The following CDH4 variants were observed in gnomAD, a reference collection of about 807,000 sequenced individuals.
CDH4 encodes cadherin-4.
In CDH4, 33 loss-of-function variants were observed where a neutral mutation model predicts 86.0. The ratio of observed to expected loss-of-function variants is 0.38; its 90% CI spans 0.29 to 0.51. The LOEUF (loss-of-function observed/expected upper bound fraction) is 0.51, where lower values mean the gene tolerates loss of function less well. Ranked by LOEUF, CDH4 falls within the 20% of genes least tolerant of loss-of-function variation. The pLI, the probability that CDH4 is intolerant of heterozygous loss-of-function variation, is 0.86. For synonymous variants in CDH4, 555 were observed against 549.4 expected, an observed-to-expected ratio of 1.01 and a Z score of -0.14; for missense variants, 1,114 against 1,307.4, an observed-to-expected ratio of 0.85 and a Z score of 2.28.
chr20:61,738,544 G>C (rs2088293399), intron 2 of CDH4: 1 of 152,230 alleles, frequency 6.6e-6, no homozygotes, highest in Non-Finnish European at 1.5e-5. Context: ...TGCATTCTGA[G>C]GCAGAGGTGG....
chr20:61,816,822 C>T (rs1400798590), intron 4 of CDH4, among the ~76,000 whole-genome samples: 1 of 152,238 alleles, frequency 6.6e-6, no homozygotes, highest in East Asian at 1.9e-4. Context: ...CTCCCATCAG[C>T]AGGCAGCCCT....
At chr20:61,712,762 C>G (rs534468170) in intron 2 of CDH4, among the ~76,000 whole-genome samples, 26 of 152,308 alleles carry the variant, frequency 1.7e-4, no homozygotes, top group African/African-American at 6.0e-4. Flanking sequence ...GCCCCCATCA[C>G]GGAAGGCTCC....
rs16985476 is a variant in CDH4 at position 61,709,131 on chromosome 20, C to T, written c.170-34432C>T. Among the ~76,000 whole-genome samples the T allele has an allele frequency of 1.4e-3, 214 of 152,306 alleles. 2 individuals carry two copies. Among genetic ancestry groups the T allele is most frequent in the Middle Eastern group, 6.8e-3 (2 of 294 alleles). ...TCGGGTCCCAGTGGCGTAGCGGCCG[C>T]CCAAATGATGAGCCCACAACGCACC... On this transcript the variant is annotated intron_variant, in intron 2 of 15. Transcript: ENST00000614565. The surrounding 1 kb of genome is among the most constrained non-coding windows in gnomAD (Gnocchi z 4.8).
chr20:61,780,974 CCAGTACGCATGTAAG>C (rs1458727497), intron 4 of CDH4, among the ~76,000 whole-genome samples: 2 of 152,180 alleles, frequency 1.3e-5, no homozygotes, highest in African/African-American at 4.8e-5. Context: ...TAGGGACTCC[CCAGTACGCATGTAAG>C]CTCTGCCCAG....
intron 4 of CDH4, among the ~76,000 whole-genome samples, chr20:61,793,701 A>G (rs140903231): frequency 0.064 from 9,689 of 151,838 alleles, 675 homozygotes; most frequent in African/African-American, 0.17. Flanking sequence ...TTAGCTGGGC[A>G]TGGTGGCAGA....
chr20:61,369,567 G>A (rs917396030), intron 2 of CDH4, among the ~76,000 whole-genome samples: 6 of 151,582 alleles, frequency 4.0e-5, no homozygotes, highest in Admixed American at 3.9e-4. Flanking sequence ...CTGTGCATAC[G>A]TAAGAAGATG....
At chr20:61,917,737 G>A (rs2054920482) in intron 9 of CDH4, among the ~76,000 whole-genome samples, 1 of 152,278 alleles carries the variant, frequency 6.6e-6, no homozygotes, top group South Asian at 2.1e-4. Context: ...CCACGTGTGG[G>A]CGGCAGCCAT....
At chr20:61,395,193 T>G (rs2085009897) in intron 2 of CDH4, among the ~76,000 whole-genome samples, 1 of 152,014 alleles carries the variant, frequency 6.6e-6, no homozygotes, top group Non-Finnish European at 1.5e-5. Flanking sequence ...GAAAAAATGC[T>G]GAGGAACTCA....
chr20:61,316,294 T>A (rs1328640131), intron 2 of CDH4, among the ~76,000 whole-genome samples: 1 of 152,236 alleles, frequency 6.6e-6, no homozygotes, highest in East Asian at 1.9e-4. Flanking sequence ...AAGGAAAATC[T>A]AATTTTCTGG....
intron 2 of CDH4, among the ~76,000 whole-genome samples, chr20:61,453,256 T>C (rs1413739824): frequency 6.6e-6 from 1 of 152,198 alleles, no homozygotes; most frequent in Non-Finnish European, 1.5e-5. Flanking sequence ...TTTTCTGTCA[T>C]GGGAGCAGTG....
At chr20:61,806,058 T>G (rs1214375602) in intron 4 of CDH4, among the ~76,000 whole-genome samples, 1 of 152,218 alleles carries the variant, frequency 6.6e-6, no homozygotes. Flanking sequence ...CACCCAGTAC[T>G]GAAAGCATTG....
At chr20:61,812,361 G>A (rs961221370) in intron 4 of CDH4, among the ~76,000 whole-genome samples, 1 of 152,168 alleles carries the variant, frequency 6.6e-6, no homozygotes. Flanking sequence ...CCTGCCGGGT[G>A]GGGCTGCCAT....
At chr20:61,580,725 A>G (rs2086421254) in intron 2 of CDH4, among the ~76,000 whole-genome samples, 1 of 152,040 alleles carries the variant, frequency 6.6e-6, no homozygotes, top group Non-Finnish European at 1.5e-5. Flanking sequence ...TTGTTTCCAG[A>G]CCACCACTGG....
intron 2 of CDH4, among the ~76,000 whole-genome samples, chr20:61,444,284 TA>T (rs1197383478): frequency 0.14 from 20,448 of 151,136 alleles, 90 homozygotes; most frequent in Admixed American, 0.16. Context: ...TATGTGTATG[TA>T]TGTGTGGGTT....
intron 2 of CDH4, among the ~76,000 whole-genome samples, chr20:61,590,903 G>T (rs2145731699): frequency 6.7e-6 from 1 of 148,986 alleles, no homozygotes. Flanking sequence ...GGGTCTCCAG[G>T]CTCCAGCTCC....
chr20:61,721,022 T>TC (rs2088035001), intron 2 of CDH4, among the ~76,000 whole-genome samples: 1 of 152,024 alleles, frequency 6.6e-6, no homozygotes, highest in Non-Finnish European at 1.5e-5. Flanking sequence ...ACACCATGTG[T>TC]CCCCCCGGCT....
chr20:61,713,387 T>G (rs928384647), intron 2 of CDH4, among the ~76,000 whole-genome samples: 1 of 152,216 alleles, frequency 6.6e-6, no homozygotes, highest in African/African-American at 2.4e-5. Context: ...CTTTCAAAGA[T>G]GCACAGAAAT....
chr20:61,884,361 G>T (rs1984438089), intron 7 of CDH4, among the ~76,000 whole-genome samples: 1 of 152,250 alleles, frequency 6.6e-6, no homozygotes, highest in Non-Finnish European at 1.5e-5. Context: ...CAGCTAAGGG[G>T]CCGGGTCCCT....
intron 6 of CDH4, among the ~76,000 whole-genome samples, chr20:61,860,359 G>A (rs2146127196): frequency 6.6e-6 from 1 of 152,346 alleles, no homozygotes; most frequent in East Asian, 1.9e-4. Flanking sequence ...TTCCCTGAGG[G>A]CTGAGCTACA....
Sources: allele counts gnomAD v4.1 joint callset (sites outside exome capture counted in the v4.1 genomes callset), GRCh38; gene constraint gnomAD v4.1.1; non-coding constraint Gnocchi (gnomAD v3.1); transcripts MANE v1.5; gene names NCBI Gene and HGNC (gene_info 2026-07-23, HGNC 2026-07-21).